The following EXOC4 variants were observed in gnomAD, a reference collection of about 807,000 sequenced individuals.
EXOC4 encodes the protein SEC8-like 1.
EXOC4 carries 71 observed loss-of-function variants against 107.2 expected under a neutral mutation model. The ratio of observed to expected loss-of-function variants is 0.66; its 90% CI spans 0.55 to 0.81. The LOEUF (loss-of-function observed/expected upper bound fraction) is 0.81, where lower values mean the gene tolerates loss of function less well. EXOC4 is among the 30% of genes least tolerant of loss of function. The pLI is 0.00. For synonymous variants in EXOC4, 456 were observed against 441.2 expected (o/e 1.03, Z -0.42); for missense variants, 1,108 against 1,189.6 (o/e 0.93, Z 1.01).
intron 5 of EXOC4, among the ~76,000 whole-genome samples, chr7:133,347,674 A>G (rs773502791): frequency 7.3e-4 from 111 of 152,300 alleles, no homozygotes; most frequent in Non-Finnish European, 1.4e-3. Context: ...CTTAGCTTCA[A>G]TCACAGAGAT....
At chr7:134,059,455 A>G (rs1309562558) in intron 17 of EXOC4, among the ~76,000 whole-genome samples, 2 of 152,196 alleles carry the variant, frequency 1.3e-5, no homozygotes, top group Non-Finnish European at 2.9e-5. Context: ...ACGCATACCT[A>G]CATACATTAA....
At chr7:133,726,125 T>A (rs1795209910) in intron 10 of EXOC4, among the ~76,000 whole-genome samples, 1 of 152,128 alleles carries the variant, frequency 6.6e-6, no homozygotes. Flanking sequence ...TTGATAGTTA[T>A]AAAAAATGGT....
At chr7:133,286,698 T>C (rs1316836618) in intron 2 of EXOC4, among the ~76,000 whole-genome samples, 2 of 152,194 alleles carry the variant, frequency 1.3e-5, no homozygotes, top group African/African-American at 2.4e-5. Context: ...ATATGTCTCT[T>C]GTGTTGGGGT....
chr7:133,580,495 G>A (rs910589230), intron 9 of EXOC4, among the ~76,000 whole-genome samples: 9 of 151,980 alleles, frequency 5.9e-5, no homozygotes, highest in African/African-American at 2.2e-4. Context: ...CTACAACCTC[G>A]CCAACGCTCC....
At chr7:133,834,643 G>C (rs1303583780) in intron 11 of EXOC4, among the ~76,000 whole-genome samples, 1 of 152,228 alleles carries the variant, frequency 6.6e-6, no homozygotes, top group East Asian at 1.9e-4. Context: ...GGTGGAAGGA[G>C]TATGAGCAGA....
intron 10 of EXOC4, among the ~76,000 whole-genome samples, chr7:133,651,141 T>C (rs376665998): frequency 2.0e-5 from 3 of 152,136 alleles, no homozygotes; most frequent in East Asian, 3.9e-4. Flanking sequence ...GACCTCAGTG[T>C]TCTGTAATAA....
At chr7:133,657,189 A>C (rs1474298010) in intron 10 of EXOC4, among the ~76,000 whole-genome samples, 2 of 152,202 alleles carry the variant, frequency 1.3e-5, no homozygotes, top group Non-Finnish European at 2.9e-5. Flanking sequence ...GCAAATGAGA[A>C]GCATGGACAT....
At chr7:133,631,719 G>C (rs1802595699) in intron 10 of EXOC4, among the ~76,000 whole-genome samples, 2 of 151,980 alleles carry the variant, frequency 1.3e-5, no homozygotes, top group African/African-American at 4.8e-5. Flanking sequence ...TATATAATAA[G>C]TAAATTATAA....
chr7:133,424,499 CTG>C (rs1463608437), intron 7 of EXOC4, among the ~76,000 whole-genome samples: 1 of 152,008 alleles, frequency 6.6e-6, no homozygotes. Flanking sequence ...TCTTTAAGAA[CTG>C]TAACACTCAC....
At chr7:133,422,052 T>C (rs1457854825) in intron 7 of EXOC4, among the ~76,000 whole-genome samples, 5 of 152,190 alleles carry the variant, frequency 3.3e-5, no homozygotes, top group Non-Finnish European at 5.9e-5. Context: ...AGTAACCTGA[T>C]TGAAGGTGAT....
intron 7 of EXOC4, among the ~76,000 whole-genome samples, chr7:133,446,370 T>A (rs1245615933): frequency 6.6e-6 from 1 of 152,220 alleles, no homozygotes; most frequent in African/African-American, 2.4e-5. Context: ...TGCTGTAAAA[T>A]TATCTCTGGA....
intron 5 of EXOC4, among the ~76,000 whole-genome samples, chr7:133,317,822 C>T (rs907719316): frequency 6.6e-6 from 1 of 152,242 alleles, no homozygotes; most frequent in East Asian, 1.9e-4. Context: ...GCTGGGATTA[C>T]AGGTGCCTGC....
At chr7:134,068,954 A>G (rs1209700040), downstream of EXOC4, among the ~76,000 whole-genome samples, 2 of 152,152 alleles carry the variant, frequency 1.3e-5, no homozygotes, top group Non-Finnish European at 2.9e-5. Context: ...TGACAGGCAA[A>G]AGAAACAGCC....
At chr7:133,934,249 A>T in intron 13 of EXOC4, among the ~76,000 whole-genome samples, 1 of 152,298 alleles carries the variant, frequency 6.6e-6, no homozygotes, top group East Asian at 1.9e-4. Flanking sequence ...TCTAACACAT[A>T]AAAACCTTCC....
chr7:133,599,722 A>G lies in EXOC4; in HGVS notation c.1418-30323A>G, dbSNP rs576549252. ...ATTGTGTGGAGTATATTGTGTCCAG[A>G]GCATACCTTTTATTTACTATTTCAT... On this transcript the variant is annotated intron_variant, in intron 9 of 17. Coordinates refer to ENST00000253861, the MANE Select transcript of EXOC4 (RefSeq NM_021807.4). 2.6e-5 allele frequency among the ~76,000 whole-genome samples: 4 copies of G among 152,224 alleles called. No homozygotes were observed. The South Asian group carries it at 8.3e-4, about 32-fold the overall frequency.
At chr7:133,255,190 T>TCTTTTCTTTTC (rs57430962) in intron 1 of EXOC4, among the ~76,000 whole-genome samples, 2 of 151,642 alleles carry the variant, frequency 1.3e-5, no homozygotes. Context: ...TCTTTTCTTT[T>TCTTTTCTTTTC]TTTTTGAGAC....
intron 14 of EXOC4, among the ~76,000 whole-genome samples, chr7:133,983,420 T>C (rs1353459357): frequency 6.6e-6 from 1 of 152,176 alleles, no homozygotes; most frequent in African/African-American, 2.4e-5. Context: ...AAAAGTTAAG[T>C]TGAAGAGGAA....
intron 9 of EXOC4, among the ~76,000 whole-genome samples, chr7:133,512,688 G>A (rs549945396): frequency 6.6e-6 from 1 of 152,172 alleles, no homozygotes; most frequent in African/African-American, 2.4e-5. Context: ...AAACAAACTG[G>A]AGAGTTAACT....
chr7:133,571,511 A>G (rs1801022816), intron 9 of EXOC4, among the ~76,000 whole-genome samples: 1 of 152,072 alleles, frequency 6.6e-6, no homozygotes, highest in African/African-American at 2.4e-5. Context: ...TCTACTAAAT[A>G]TACAAAAACT....
Sources: allele counts gnomAD v4.1 joint callset (sites outside exome capture counted in the v4.1 genomes callset), GRCh38; gene constraint gnomAD v4.1.1; transcripts MANE v1.5; gene names NCBI Gene and HGNC (gene_info 2026-07-23, HGNC 2026-07-21).